CSMD2: variants seen among roughly 807,000 people sequenced by gnomAD.
CSMD2 encodes CUB and Sushi multiple domains 2, also known as CUB and sushi domain-containing protein 2.
A neutral mutation model predicts 398.5 loss-of-function variants in CSMD2; 130 were observed. That is an observed-to-expected ratio of 0.33 (90% confidence interval 0.28 to 0.38). The LOEUF (loss-of-function observed/expected upper bound fraction) is 0.38, where lower values mean the gene tolerates loss of function less well. Ranked by LOEUF, CSMD2 falls within the 10% of genes least tolerant of loss-of-function variation. The pLI is 1.00. For synonymous variants in CSMD2, 1,828 were observed against 1,908.5 expected, an observed-to-expected ratio of 0.96 and a Z score of 1.10; for missense variants, 3,829 against 4,764.9, an observed-to-expected ratio of 0.80 and a Z score of 5.78.
At chr1:33,586,378 C>T (rs1025454729) in intron 46 of CSMD2, 126 bp downstream of exon 46, 2 of 627,274 alleles carry the variant, frequency 3.2e-6, no homozygotes, top group Non-Finnish European at 5.9e-6. Flanking sequence ...CAACATTTAC[C>T]AAGTGACCTT....
At chr1:34,093,127 G>C (rs1052363440) in intron 1 of CSMD2, among the ~76,000 whole-genome samples, 5 of 152,104 alleles carry the variant, frequency 3.3e-5, no homozygotes, top group African/African-American at 9.6e-5. Flanking sequence ...CTAACTGGGA[G>C]GCACCCCCCA....
At chr1:33,746,018 C>A (rs181593823) in intron 13 of CSMD2, among the ~76,000 whole-genome samples, 190 of 152,230 alleles carry the variant, frequency 1.2e-3, no homozygotes, top group Non-Finnish European at 2.3e-3. Context: ...ATCAATGCAG[C>A]CTGATTCTAG....
intron 3 of CSMD2, among the ~76,000 whole-genome samples, chr1:33,991,172 A>G (rs1258070990): frequency 6.6e-6 from 1 of 152,008 alleles, no homozygotes; most frequent in Non-Finnish European, 1.5e-5. Flanking sequence ...TGTCTGGTTG[A>G]TATTTTTCAT....
At chr1:33,973,776 G>A (rs545244958) in intron 3 of CSMD2, among the ~76,000 whole-genome samples, 1 of 152,320 alleles carries the variant, frequency 6.6e-6, no homozygotes, top group Non-Finnish European at 1.5e-5. Flanking sequence ...AGGCTCTCTA[G>A]GCAGATGCAC....
intron 5 of CSMD2, among the ~76,000 whole-genome samples, chr1:33,854,198 C>G (rs1246213710): frequency 1.3e-5 from 2 of 152,200 alleles, no homozygotes; most frequent in East Asian, 1.9e-4. Flanking sequence ...TCTGGGCACC[C>G]TGCACTTTCT....
intron 10 of CSMD2, among the ~76,000 whole-genome samples, chr1:33,799,402 G>A (rs969179958): frequency 2.6e-5 from 4 of 152,210 alleles, no homozygotes; most frequent in Non-Finnish European, 5.9e-5. Context: ...GGGTGGAAGA[G>A]GAGCCAGAGG....
intron 5 of CSMD2, among the ~76,000 whole-genome samples, chr1:33,914,726 A>C (rs1463353997): frequency 6.6e-6 from 1 of 152,188 alleles, no homozygotes; most frequent in East Asian, 1.9e-4. Context: ...TGCTGCATGT[A>C]TACTGTTGGC....
intron 2 of CSMD2, among the ~76,000 whole-genome samples, chr1:34,057,098 C>T (rs1653917854): frequency 6.6e-6 from 1 of 152,074 alleles, no homozygotes; most frequent in Non-Finnish European, 1.5e-5. Context: ...CCTCCACTCC[C>T]AGTGACACCT....
At chr1:33,933,224 G>C (rs1225806686) in intron 4 of CSMD2, among the ~76,000 whole-genome samples, 1 of 152,170 alleles carries the variant, frequency 6.6e-6, no homozygotes, top group Non-Finnish European at 1.5e-5. Flanking sequence ...AATGGACCCA[G>C]TTCCCAACCT....
chr1:33,643,397 G>A (rs1162753242), intron 29 of CSMD2, among the ~76,000 whole-genome samples: 1 of 152,188 alleles, frequency 6.6e-6, no homozygotes, highest in Non-Finnish European at 1.5e-5. Flanking sequence ...GTGTTCCCCT[G>A]GGTTAGCCCC....
intron 12 of CSMD2, among the ~76,000 whole-genome samples, chr1:33,784,860 A>G (rs191552233): frequency 2.6e-5 from 4 of 152,336 alleles, no homozygotes; most frequent in African/African-American, 4.8e-5. Context: ...TCAGATTGGC[A>G]TCATTATTTC....
intron 25 of CSMD2, among the ~76,000 whole-genome samples, chr1:33,672,546 G>A (rs894390676): frequency 6.6e-6 from 1 of 152,228 alleles, no homozygotes; most frequent in Non-Finnish European, 1.5e-5. Context: ...GCAGGGCACA[G>A]ACAATCAAAA....
intron 58 of CSMD2, among the ~76,000 whole-genome samples, chr1:33,542,258 A>G (rs1656420658): frequency 6.6e-6 from 1 of 152,222 alleles, no homozygotes; most frequent in South Asian, 2.1e-4. Flanking sequence ...AGGAACCCGT[A>G]CTGGGTGGGG....
intron 3 of CSMD2, among the ~76,000 whole-genome samples, chr1:34,028,878 G>A (rs528398732): frequency 6.6e-5 from 10 of 152,314 alleles, no homozygotes; most frequent in African/African-American, 2.2e-4. Flanking sequence ...TTGACTACCG[G>A]CCTTTTTGAT....
At chr1:33,929,093 C>A (rs1644225474) in intron 4 of CSMD2, among the ~76,000 whole-genome samples, 1 of 152,160 alleles carries the variant, frequency 6.6e-6, no homozygotes, top group Admixed American at 6.5e-5. Flanking sequence ...TGGTCATTGG[C>A]ATCCCCACCC....
At chr1:33,726,777 G>A (rs944176394) in intron 15 of CSMD2, 92 bp from the exon 16 acceptor site, 7 of 1,358,454 alleles carry the variant, frequency 5.2e-6, no homozygotes, top group African/African-American at 1.5e-5. Flanking sequence ...CAGGCAATAA[G>A]TATAGTTTTT....
At chr1:33,877,945 G>A (rs1570369087) in intron 5 of CSMD2, among the ~76,000 whole-genome samples, 1 of 152,028 alleles carries the variant, frequency 6.6e-6, no homozygotes, top group African/African-American at 2.4e-5. Context: ...GGAGACACTC[G>A]ACTGATGAGT....
intron 2 of CSMD2, among the ~76,000 whole-genome samples, chr1:34,057,997 C>A (rs1654047470): frequency 6.6e-6 from 1 of 152,120 alleles, no homozygotes; most frequent in East Asian, 1.9e-4. Context: ...CTTCTCCTGG[C>A]CTGAAAGCAG....
chr1:33,788,336 C>T (rs552026244), intron 12 of CSMD2, among the ~76,000 whole-genome samples: 5 of 151,786 alleles, frequency 3.3e-5, no homozygotes, highest in Admixed American at 6.6e-5. Flanking sequence ...GGTGAGACCC[C>T]GTCTCTACTA....
Sources: gnomAD v4.1 joint callset for allele counts (sites outside exome capture counted in the v4.1 genomes callset) on GRCh38, gnomAD v4.1.1 for gene constraint, MANE v1.5 for transcripts, NCBI Gene and HGNC (gene_info 2026-07-23, HGNC 2026-07-21) for gene names.